MIR17HG: variants seen among roughly 807,000 people sequenced by gnomAD.
MIR17HG encodes miR-17-92a-1 cluster host gene, also known as MIR17 host gene (non-protein coding).
chr13:91,348,116 G>C (rs1390270500), intron 1 of MIR17HG, among the ~76,000 whole-genome samples: 1 of 145,446 alleles, frequency 6.9e-6, no homozygotes. Context: ...GCCCCGGCGT[G>C]TGGCAGCCGC....
At chr13:91,352,824 TC>T (rs1433922639) in intron 3 of MIR17HG, among the ~76,000 whole-genome samples, 1 of 152,144 alleles carries the variant, frequency 6.6e-6, no homozygotes, top group Non-Finnish European at 1.5e-5. Flanking sequence ...CTTAAAAAGT[TC>T]CGGCTGGACA....
intron 3 of MIR17HG, among the ~76,000 whole-genome samples, chr13:91,352,822 G>A (rs768660895): frequency 6.6e-6 from 1 of 152,074 alleles, no homozygotes; most frequent in African/African-American, 2.4e-5. Context: ...TGCTTAAAAA[G>A]TTCCGGCTGG....
In MIR17HG at chr13:91,351,746, G is replaced by A. The variant is rs368465915; in HGVS notation, n.284+1520G>A. The A allele has an allele frequency of 5.5e-5, 11 of 200,916 alleles. No homozygotes were observed. The East Asian group carries it at 1.1e-3, about 20-fold the overall frequency. 12.4% of individuals were successfully genotyped at this position (200,916 alleles called of 1,614,324 possible). A position where few individuals can be genotyped will look rare whatever the true frequency, so the allele number is the denominator to read the frequency against. Reference sequence around the variant, plus strand: ...TTACTTAATCTAAAAGTTAATTTATGTTGCTCATATATTACTCAAGTATTT... The same window carrying A: ...TTACTTAATCTAAAAGTTAATTTATATTGCTCATATATTACTCAAGTATTT... On this transcript the variant is annotated intron_variant and non_coding_transcript_variant, in intron 3 of 3. Coordinates refer to ENST00000400282, the Ensembl canonical transcript of MIR17HG.
At chr13:91,349,133 G>T (rs1378306499) in intron 1 of MIR17HG, among the ~76,000 whole-genome samples, 2 of 152,050 alleles carry the variant, frequency 1.3e-5, no homozygotes, top group African/African-American at 4.8e-5. Context: ...ATGTGCTGCC[G>T]GCCCGGGCTC....
chr13:91,352,493 A>G (rs946978070), intron 3 of MIR17HG: 3 of 152,234 alleles, frequency 2.0e-5, no homozygotes, highest in African/African-American at 4.8e-5. Context: ...ATAAACTTCC[A>G]TAACACTAGG....
chr13:91,350,638 T>TAGTGATA, intron 3 of MIR17HG: 1 of 534,678 alleles, frequency 1.9e-6, no homozygotes, highest in Admixed American at 1.9e-5. Context: ...ACAGTGCAGG[T>TAGTGATA]AGTGATATGT....
At chr13:91,350,983 AAATG>A (rs1875280823) in intron 3 of MIR17HG, 2 of 529,194 alleles carry the variant, frequency 3.8e-6, no homozygotes, top group Non-Finnish European at 7.8e-6. Context: ...TATTTCCTTC[AAATG>A]AATGATTTTT....
intron 3 of MIR17HG, chr13:91,350,549 T>G (rs1875250993): frequency 1.9e-6 from 1 of 532,528 alleles, no homozygotes; most frequent in African/African-American, 1.9e-5. Flanking sequence ...ATTATCTATT[T>G]CAAATTTAGC....
intron 3 of MIR17HG, chr13:91,351,965 A>G (rs1875340510): frequency 6.5e-6 from 1 of 153,488 alleles, no homozygotes; most frequent in African/African-American, 2.4e-5. Flanking sequence ...TTTATAAGCT[A>G]TAAATGACCA....
chr13:91,348,163 A>C, intron 1 of MIR17HG, among the ~76,000 whole-genome samples: 1 of 1,354 alleles, frequency 7.4e-4, no homozygotes, highest in Admixed American at 6.6e-3. Flanking sequence ...GGGCCGGCGG[A>C]GGGGGGCAGG....
At chr13:91,349,088 G>A (rs749330601) in intron 1 of MIR17HG, among the ~76,000 whole-genome samples, 30 of 151,896 alleles carry the variant, frequency 2.0e-4, no homozygotes, top group Non-Finnish European at 4.3e-4. Context: ...GCGGCTACGC[G>A]GAGAATCGCA....
At chr13:91,348,370 A>G (rs1440773830) in intron 1 of MIR17HG, among the ~76,000 whole-genome samples, 1 of 149,082 alleles carries the variant, frequency 6.7e-6, no homozygotes, top group Non-Finnish European at 1.5e-5. Flanking sequence ...TGGGTAGGAA[A>G]GTTTCTCCCG....
intron 3 of MIR17HG, chr13:91,351,103 T>A: frequency 1.9e-6 from 1 of 524,352 alleles, no homozygotes. Flanking sequence ...AGTGTTTAGT[T>A]ATCTACTGCA....
chr13:91,349,062 G>A (rs1218516027), intron 1 of MIR17HG, among the ~76,000 whole-genome samples: 1 of 151,798 alleles, frequency 6.6e-6, no homozygotes, highest in Non-Finnish European at 1.5e-5. Flanking sequence ...GCCTGACTCT[G>A]ACCCGCCGCC....
At chr13:91,349,321 C>A (rs569413040) in intron 1 of MIR17HG, among the ~76,000 whole-genome samples, 1 of 152,010 alleles carries the variant, frequency 6.6e-6, no homozygotes, top group East Asian at 1.9e-4. Context: ...CTCTTTATCC[C>A]GGCTTGCAGC....
intron 3 of MIR17HG, chr13:91,351,748 T>A: frequency 5.1e-6 from 1 of 197,800 alleles, no homozygotes; most frequent in South Asian, 8.9e-5. Flanking sequence ...TAATTTATGT[T>A]GCTCATATAT....
At chr13:91,348,849 G>T (rs989735268) in intron 1 of MIR17HG, among the ~76,000 whole-genome samples, 5 of 149,468 alleles carry the variant, frequency 3.3e-5, no homozygotes, top group Admixed American at 2.7e-4. Context: ...GCCGCCGATT[G>T]TTCCCGGCTT....
At chr13:91,352,188 C>G (rs1875349402) in intron 3 of MIR17HG, 1 of 152,152 alleles carries the variant, frequency 6.6e-6, no homozygotes, top group South Asian at 2.1e-4. Flanking sequence ...ACTTTGGCAA[C>G]AGTGATAGTT....
intron 1 of MIR17HG, among the ~76,000 whole-genome samples, chr13:91,349,080 G>A (rs1220516299): frequency 2.0e-5 from 3 of 151,878 alleles, no homozygotes; most frequent in Non-Finnish European, 4.4e-5. Flanking sequence ...GCCCCCTGGC[G>A]GCTACGCGGA....
Sources: allele counts gnomAD v4.1 joint callset (sites outside exome capture counted in the v4.1 genomes callset), GRCh38; gene constraint gnomAD v4.1.1; transcripts MANE v1.5; gene names NCBI Gene and HGNC (gene_info 2026-07-23, HGNC 2026-07-21).